PHYH: variants seen among roughly 807,000 people sequenced by gnomAD.
PHYH encodes the protein phytanoyl-CoA dioxygenase, peroxisomal.
PHYH carries 32 observed loss-of-function variants against 38.5 expected under a neutral mutation model. The ratio of observed to expected loss-of-function variants is 0.83; its 90% CI spans 0.63 to 1.12. The LOEUF (loss-of-function observed/expected upper bound fraction) is 1.12, where lower values mean the gene tolerates loss of function less well. Among genes scored for constraint, PHYH ranks in the 50% most tolerant of loss-of-function variants. The pLI, the probability that PHYH is intolerant of heterozygous loss-of-function variation, is 0.00. For synonymous variants in PHYH, 166 were observed against 157.9 expected (o/e 1.05, Z -0.38); for missense variants, 426 against 434.8 (o/e 0.98, Z 0.18).
At chr10:13,298,783 A>ACTACTGCTACTACTACTAC (rs1564430887) in intron 1 of PHYH, among the ~76,000 whole-genome samples, 1 of 111,620 alleles carries the variant, frequency 9.0e-6, no homozygotes, top group African/African-American at 3.3e-5. Context: ...ACTACTACTA[A>ACTACTGCTACTACTACTAC]TAATAATAAT....
At chr10:13,295,305 A>G (rs1835817696) in intron 3 of PHYH, 191 bp downstream of exon 3, 1 of 574,150 alleles carries the variant, frequency 1.7e-6, no homozygotes, top group Admixed American at 3.0e-5. Flanking sequence ...CTCAGCCTAC[A>G]CAACAGAGTG....
intron 6 of PHYH, 129 bp from the exon 7 acceptor site, chr10:13,283,968 C>T (rs1365335786): frequency 5.7e-6 from 5 of 880,378 alleles, no homozygotes; most frequent in African/African-American, 1.7e-5. Context: ...AAATAAATGT[C>T]TAAATTAAAT....
chr10:13,294,535 C>A lies in PHYH; in HGVS notation c.307G>T (p.Asp103Tyr). 1 of 1,613,748 alleles carries A rather than the reference C, an allele frequency of 6.2e-7. No individual in the cohort carries two copies. Among genetic ancestry groups the A allele is most frequent in the Non-Finnish European group, 8.5e-7 (1 of 1,179,624 alleles). The change falls in exon 4 of 9, where the codon GAT becomes TAT. Residue 103 changes from aspartate (D) to tyrosine (Y), a missense_variant. Physicochemically the swap from Asp to Tyr is radical, Grantham distance 160. Transcript: ENST00000263038. ...VKPLGLTVMR[D>Y]VTISKSEYAP... Reference sequence around the variant, plus strand: ...TATTCGGATTTCGAAATGGTCACATCTCTCATTACTGTTAATCCTAATGGT... The same window carrying A: ...TATTCGGATTTCGAAATGGTCACATATCTCATTACTGTTAATCCTAATGGT...
Position 13,281,046 on chromosome 10 carries a change from T to G in PHYH, c.893A>C (p.Glu298Ala), listed in dbSNP as rs1835399077. ...TCCTACAACTTCCTTCTCGATGTTT[T>G]CTTGACTGGTGCCCTTCACGTCAAT... ...HYIDVKGTSQENIEKEVVGIA... is the reference protein window; with the variant it reads ...HYIDVKGTSQANIEKEVVGIA... Residue 298 changes from glutamate to alanine, a missense_variant, in exon 8 of 9, where the codon GAA (glutamate) becomes GCA (alanine). Physicochemically the swap from Glu to Ala is moderately radical, Grantham distance 107. Transcript: ENST00000263038. 6.2e-7 allele frequency: 1 copy of G among 1,614,064 alleles called. No homozygotes were observed. The highest frequency in any genetic ancestry group is 1.3e-5 in the African/African-American group (1 of 74,942).
chr10:13,287,236 G>T (rs1012683659), intron 6 of PHYH, among the ~76,000 whole-genome samples: 9 of 152,076 alleles, frequency 5.9e-5, no homozygotes, highest in Admixed American at 3.9e-4. Context: ...CTACTCGGGA[G>T]TCTGAGGCAG....
intron 5 of PHYH, 118 bp from the exon 6 acceptor site, chr10:13,288,659 G>T: frequency 1.0e-6 from 1 of 974,738 alleles, no homozygotes; most frequent in Non-Finnish European, 1.6e-6. Context: ...GAGGCAGATG[G>T]ATGGCTTGAG....
intron 6 of PHYH, among the ~76,000 whole-genome samples, chr10:13,284,874 A>G (rs1835507953): frequency 6.6e-6 from 1 of 152,134 alleles, no homozygotes; most frequent in Non-Finnish European, 1.5e-5. Context: ...CCTCTTAGAC[A>G]GTGCTGAGAC....
At chr10:13,289,320 C>T (rs889625433) in intron 5 of PHYH, among the ~76,000 whole-genome samples, 5 of 152,058 alleles carry the variant, frequency 3.3e-5, no homozygotes, top group Non-Finnish European at 5.9e-5. Context: ...CTCAGCCTCC[C>T]GAGTAGCTGG....
intron 5 of PHYH, among the ~76,000 whole-genome samples, chr10:13,290,609 A>G (rs766441041): frequency 5.9e-5 from 9 of 151,930 alleles, no homozygotes; most frequent in Non-Finnish European, 4.4e-5. Context: ...CTGCACTACA[A>G]TCTCTGGACT....
At chr10:13,289,080 G>T (rs1288392900) in intron 5 of PHYH, among the ~76,000 whole-genome samples, 1 of 152,072 alleles carries the variant, frequency 6.6e-6, no homozygotes, top group Non-Finnish European at 1.5e-5. Context: ...CAACACACTG[G>T]CTCCACATCT....
At chr10:13,285,973 A>T (rs1835539333) in intron 6 of PHYH, among the ~76,000 whole-genome samples, 1 of 151,260 alleles carries the variant, frequency 6.6e-6, no homozygotes, top group Non-Finnish European at 1.5e-5. Context: ...AGTGGCACCA[A>T]CATAGCCCAC....
chr10:13,296,933 G>A (rs898520331), intron 2 of PHYH, among the ~76,000 whole-genome samples: 4 of 151,702 alleles, frequency 2.6e-5, no homozygotes, highest in Non-Finnish European at 4.4e-5. Context: ...CAGCCTGGGC[G>A]ACAGAGCCAG....
intron 5 of PHYH, among the ~76,000 whole-genome samples, chr10:13,289,887 C>T (rs1835659752): frequency 7.1e-6 from 1 of 141,660 alleles, no homozygotes; most frequent in Admixed American, 7.4e-5. Flanking sequence ...TGCAGTGAGT[C>T]AAGATCGCAC....
At position 13,278,349 on chromosome 10, in the gene PHYH, A is replaced by G. The variant is rs766511067; in HGVS notation, c.969T>C (p.Ile323=). Residue 323 remains isoleucine (I), a synonymous_variant, in exon 9 of 9, where the codon ATT becomes ATC. Coordinates refer to ENST00000263038, the MANE Select transcript of PHYH (RefSeq NM_006214.4). The stretch of plus-strand genomic sequence containing the variant: ...TCACAAGTCGAGCTCGAAACATCCA[A>G]ATATCCTGGAAATAATATCAAACAG... ...GAENSVNLKD[I]WMFRARLVKG... is the part of the protein sequence containing the mutation. 4 of 1,609,804 alleles carry G rather than the reference A, an allele frequency of 2.5e-6. No individual in the cohort carries two copies. The highest frequency in any genetic ancestry group is 2.6e-6 in the Non-Finnish European group (3 of 1,176,130).
intron 5 of PHYH, among the ~76,000 whole-genome samples, chr10:13,290,702 G>A (rs1835688756): frequency 1.3e-5 from 2 of 152,080 alleles, no homozygotes; most frequent in Non-Finnish European, 2.9e-5. Flanking sequence ...CCCAGCTTGA[G>A]GAAGGTTATT....
intron 1 of PHYH, 187 bp downstream of exon 1, chr10:13,299,781 C>T: frequency 7.6e-7 from 1 of 1,313,316 alleles, no homozygotes; most frequent in Non-Finnish European, 9.7e-7. Flanking sequence ...CCTCGGGGGA[C>T]GCAGCCTCTT....
chr10:13,290,278 G>A (rs888631134), intron 5 of PHYH, among the ~76,000 whole-genome samples: 4 of 151,922 alleles, frequency 2.6e-5, no homozygotes, highest in African/African-American at 9.7e-5. Context: ...CTGGGCAACA[G>A]AGCAAGACTC....
In PHYH at chr10:13,291,104, C is replaced by CAA. The variant is rs367712215; in HGVS notation, c.496+725_496+726dup. 6.8e-3 allele frequency among the ~76,000 whole-genome samples: 517 copies of CAA among 76,264 alleles called. 31 individuals carry two copies. Among genetic ancestry groups the CAA allele is most frequent in the African/African-American group, 0.023 (437 of 18,820 alleles). 50.0% of individuals were successfully genotyped at this position (76,264 alleles called of 152,430 possible). A position where few individuals can be genotyped will look rare whatever the true frequency, so the allele number is the denominator to read the frequency against. Reference sequence around the variant, plus strand: ...GGGCAACAAGAGCAAAACTCCATCTCAAAAAAAAAAAAAAAAAAAAAAAAG... The same window carrying CAA: ...GGGCAACAAGAGCAAAACTCCATCTCAAAAAAAAAAAAAAAAAAAAAAAAAAG... On this transcript the variant is annotated intron_variant, in intron 5 of 8. Transcript: ENST00000263038.
chr10:13,289,416 T>G (rs557657375), intron 5 of PHYH, among the ~76,000 whole-genome samples: 1 of 151,822 alleles, frequency 6.6e-6, no homozygotes, highest in Admixed American at 6.6e-5. Flanking sequence ...AGGATGGTCT[T>G]GATCTCCTGA....
Sources: allele counts gnomAD v4.1 joint callset (sites outside exome capture counted in the v4.1 genomes callset), GRCh38; gene constraint gnomAD v4.1.1; transcripts MANE v1.5; gene names NCBI Gene and HGNC (gene_info 2026-07-23, HGNC 2026-07-21).